Variants in TTC3 observed in about 807,000 individuals in gnomAD.
The protein encoded by TTC3 is E3 ubiquitin-protein ligase TTC3.
Under a neutral mutation model 249.6 loss-of-function variants are expected in TTC3, and 180 were observed. The ratio of observed to expected loss-of-function variants is 0.72; its 90% CI spans 0.64 to 0.82. TTC3 has a LOEUF of 0.82. Among genes scored for constraint, TTC3 ranks in the 40% least tolerant of loss-of-function variants. The pLI is 0.00. For missense variants in TTC3, 2,061 were observed against 2,398.4 expected (o/e 0.86, Z 2.94); for synonymous variants, 717 against 805.0 (o/e 0.89, Z 1.85).
intron 16 of TTC3, among the ~76,000 whole-genome samples, chr21:37,132,204 A>G (rs2077524310): frequency 6.6e-6 from 1 of 152,208 alleles, no homozygotes; most frequent in Non-Finnish European, 1.5e-5. Flanking sequence ...AATTCCCCCC[A>G]AAGAATGGCC....
intron 11 of TTC3, chr21:37,121,207 T>C (rs1351089790): frequency 6.6e-6 from 1 of 152,238 alleles, no homozygotes; most frequent in East Asian, 1.9e-4. Context: ...TGGAATTAAA[T>C]GTAAATCCCT....
At chr21:37,177,773 A>G (rs2082401552) in intron 35 of TTC3, among the ~76,000 whole-genome samples, 2 of 152,198 alleles carry the variant, frequency 1.3e-5, no homozygotes, top group South Asian at 4.1e-4. Flanking sequence ...CAGTGGTGGT[A>G]ATAATGACTA....
At chr21:37,157,303 G>A in intron 28 of TTC3, 2 of 785,874 alleles carry the variant, frequency 2.5e-6, no homozygotes, top group South Asian at 1.5e-5. Context: ...AGCATTCTAG[G>A]ATGTTTTAAT....
chr21:37,160,656 G>A (rs1226229432), intron 29 of TTC3, 146 bp from the exon 30 acceptor site: 1 of 747,944 alleles, frequency 1.3e-6, no homozygotes, highest in Admixed American at 3.1e-5. Context: ...TAGCACTTGG[G>A]CTGATACACT....
intron 19 of TTC3, among the ~76,000 whole-genome samples, chr21:37,139,538 G>A (rs1364598440): frequency 6.6e-6 from 1 of 152,100 alleles, no homozygotes; most frequent in African/African-American, 2.4e-5. Context: ...TTGCCACCTA[G>A]TGAGGATCTA....
chr21:37,121,990 T>A lies in TTC3; in HGVS notation c.1063+11T>A, dbSNP rs186711258. Reference sequence around the variant, plus strand: ...TAGAAGACCTACAAGGTATTTCACCTAAGATTCTTTTGGTTACAGTCTTAA... The same window carrying A: ...TAGAAGACCTACAAGGTATTTCACCAAAGATTCTTTTGGTTACAGTCTTAA... On this transcript the variant is annotated intron_variant, in intron 12 of 45. Transcript: ENST00000355666. The A allele has an allele frequency of 9.3e-5, 149 of 1,595,794 alleles. No homozygotes were observed. In the East Asian group the frequency reaches 2.5e-3, roughly 26 times the overall value.
At chr21:37,157,258 A>G in intron 28 of TTC3, 1 of 1,162,992 alleles carries the variant, frequency 8.6e-7, no homozygotes, top group Non-Finnish European at 1.2e-6. Context: ...ATTGGTCTGC[A>G]GAAGTAGGTG....
chr21:37,185,653 C>T lies in TTC3; in HGVS notation c.4758-53C>T, dbSNP rs2083179388. The T allele has an allele frequency of 6.6e-6, 7 of 1,060,352 alleles. No homozygotes were observed. In the South Asian group the frequency reaches 1.3e-4, roughly 20 times the overall value. The allele number at this position is 1,060,352 out of a possible 1,614,324, so 65.7% of individuals were successfully genotyped here. Reference sequence around the variant, plus strand: ...TGGGTGCAATTTACTGTGTGGGGGTCCTGTTAAAAATTTTTCAAAATTAAT... The same window carrying T: ...TGGGTGCAATTTACTGTGTGGGGGTTCTGTTAAAAATTTTTCAAAATTAAT... On this transcript the variant is annotated intron_variant, in intron 36 of 45. Coordinates refer to ENST00000355666, the Ensembl canonical transcript of TTC3.
rs552121028 is a variant in TTC3 at position 37,191,704 on chromosome 21, A to G, written c.5115+280A>G. Among the ~76,000 whole-genome samples, 22 of 152,140 alleles carry G rather than the reference A, an allele frequency of 1.4e-4. No homozygotes were observed. The East Asian group carries it at 4.2e-3, about 29-fold the overall frequency. ...AGTGATTCTCCTGCCTCAGCCCCCC[A>G]AGTAGCTGGGATCACAGGCATGTGC... On this transcript the variant is annotated intron_variant, in intron 40 of 45. Transcript: ENST00000355666.
intron 10 of TTC3, among the ~76,000 whole-genome samples, chr21:37,100,214 A>G (rs939004483): frequency 6.6e-6 from 1 of 152,210 alleles, no homozygotes; most frequent in Non-Finnish European, 1.5e-5. Context: ...ATATGGCAAC[A>G]TGTTAATTTC....
intron 11 of TTC3, among the ~76,000 whole-genome samples, chr21:37,118,962 T>C (rs1280295231): frequency 2.0e-5 from 3 of 152,178 alleles, no homozygotes; most frequent in Non-Finnish European, 2.9e-5. Flanking sequence ...CTTGAACACA[T>C]AGGGGATAGT....
At chr21:37,176,539 GC>G (rs1221029532) in intron 35 of TTC3, among the ~76,000 whole-genome samples, 6 of 152,188 alleles carry the variant, frequency 3.9e-5, no homozygotes, top group Non-Finnish European at 8.8e-5. Flanking sequence ...GGCCCTGCCT[GC>G]CAAAACTTCC....
exon 39 of TTC3, chr21:37,188,537 C>T (rs1201676934): frequency 1.2e-6 from 2 of 1,613,806 alleles, no homozygotes; most frequent in African/African-American, 2.7e-5. Flanking sequence ...AGTGTATAAG[C>T]TACAGATCAT....
chr21:37,158,854 T>C (rs749508394), intron 28 of TTC3, among the ~76,000 whole-genome samples: 12 of 152,354 alleles, frequency 7.9e-5, no homozygotes, highest in Non-Finnish European at 1.6e-4. Flanking sequence ...TGTCCTTTGC[T>C]GTCCACCCCA....
intron 15 of TTC3, 34 bp from the exon 16 acceptor site, chr21:37,128,969 C>T: frequency 6.7e-7 from 1 of 1,489,896 alleles, no homozygotes; most frequent in Non-Finnish European, 9.0e-7. Flanking sequence ...TTTTTATGTA[C>T]AGATTTTAGG....
intron 35 of TTC3, among the ~76,000 whole-genome samples, chr21:37,181,574 A>G (rs916144553): frequency 2.6e-5 from 4 of 152,234 alleles, no homozygotes; most frequent in African/African-American, 7.2e-5. Context: ...ACTGGTTCCT[A>G]TGTTAAAGGG....
At chr21:37,111,566 A>G (rs1349736992) in intron 11 of TTC3, among the ~76,000 whole-genome samples, 1 of 152,234 alleles carries the variant, frequency 6.6e-6, no homozygotes, top group Non-Finnish European at 1.5e-5. Context: ...TTAGTGACCT[A>G]CAAAGTGACT....
intron 8 of TTC3, among the ~76,000 whole-genome samples, chr21:37,095,059 C>T (rs1478687894): frequency 6.6e-6 from 1 of 151,716 alleles, no homozygotes; most frequent in Non-Finnish European, 1.5e-5. Context: ...TCCCTTGGGC[C>T]TGGGAGATGG....
chr21:37,089,984 C>CA (rs35551483), intron 5 of TTC3, among the ~76,000 whole-genome samples: 66,279 of 141,692 alleles, frequency 0.47, 15,269 homozygotes, highest in Non-Finnish European at 0.53. Context: ...GACCCTGTCT[C>CA]AAAAAAAAAA....
Sources: allele counts gnomAD v4.1 joint callset (sites outside exome capture counted in the v4.1 genomes callset), GRCh38; gene constraint gnomAD v4.1.1; transcripts MANE v1.5; gene names NCBI Gene and HGNC (gene_info 2026-07-23, HGNC 2026-07-21).